STK31: variants seen among roughly 807,000 people sequenced by gnomAD.
The protein encoded by STK31 is serine/threonine-protein kinase 31.
STK31 carries 89 observed loss-of-function variants against 129.7 expected under a neutral mutation model. The ratio of observed to expected loss-of-function variants is 0.69; its 90% CI spans 0.58 to 0.82. The LOEUF is 0.82. STK31 is among the 40% of genes least tolerant of loss of function. STK31 has a pLI of 0.00. For missense variants in STK31, 1,187 were observed against 1,176.4 expected (o/e 1.01, Z -0.13); for synonymous variants, 448 against 395.3 (o/e 1.13, Z -1.58).
At position 23,786,895 on chromosome 7, in the gene STK31, G is replaced by T. The variant is rs1188270800; in HGVS notation, c.2458G>T (p.Val820Phe). The T allele has an allele frequency of 6.2e-7, 1 of 1,613,750 alleles. No homozygotes were observed. The highest frequency in any genetic ancestry group is 8.5e-7 in the Non-Finnish European group (1 of 1,179,904). The change falls in exon 20 of 24, where the codon GTT becomes TTT. Residue 820 changes from valine (V) to phenylalanine (F), a missense_variant. Transcript: ENST00000355870. ...PYYPRANLNAVQANMPLNSEE... is the reference protein window; with the variant it reads ...PYYPRANLNAFQANMPLNSEE... ...CTACCCTAGGGCAAACCTGAATGCT[G>T]TTCAAGCCAACATGCCTTTAAATTC...
chr7:23,748,642 C>A (rs1231416533), intron 8 of STK31, among the ~76,000 whole-genome samples: 2 of 152,178 alleles, frequency 1.3e-5, no homozygotes, highest in African/African-American at 4.8e-5. Context: ...AGGATGAAGA[C>A]CTTAATGATG....
At chr7:23,783,264 T>A (rs1209914316) in intron 16 of STK31, among the ~76,000 whole-genome samples, 2 of 152,194 alleles carry the variant, frequency 1.3e-5, no homozygotes, top group Non-Finnish European at 2.9e-5. Flanking sequence ...TGGCCAAGAC[T>A]CAGCTATTGT....
intron 4 of STK31, among the ~76,000 whole-genome samples, chr7:23,718,339 T>C (rs1172356410): frequency 3.3e-5 from 5 of 152,176 alleles, no homozygotes; most frequent in Admixed American, 2.0e-4. Context: ...TTTTCTTTTT[T>C]ACTGAGTTAT....
At chr7:23,768,918 C>G in intron 11 of STK31, 77 bp from the exon 12 acceptor site, 1 of 1,177,928 alleles carries the variant, frequency 8.5e-7, no homozygotes, top group South Asian at 2.6e-5. Flanking sequence ...GCTTTTCTAC[C>G]CCTTAGATCC....
Position 23,806,901 on chromosome 7 carries a change from G to GAA in STK31, c.2761-8223_2761-8222dup, listed in dbSNP as rs34751124. On this transcript the variant is annotated intron_variant, in intron 22 of 23. Coordinates refer to ENST00000355870, the MANE Select transcript of STK31 (RefSeq NM_031414.5). Reference sequence around the variant, plus strand: ...GGTGACAGAGCAAGACTCCGTCTCAGAAAAAAAAAAAAAAAAAAAAAGAGA... The same window carrying GAA: ...GGTGACAGAGCAAGACTCCGTCTCAGAAAAAAAAAAAAAAAAAAAAAAAGAGA... 2.9e-3 allele frequency among the ~76,000 whole-genome samples: 222 copies of GAA among 75,604 alleles called. 3 individuals carry two copies. The highest frequency in any genetic ancestry group is 8.1e-3 in the Middle Eastern group (1 of 124). The allele number at this position is 75,604 out of a possible 152,430, so 49.6% of individuals were successfully genotyped here.
chr7:23,740,185 T>G (rs1423469581), intron 8 of STK31, among the ~76,000 whole-genome samples: 1 of 152,160 alleles, frequency 6.6e-6, no homozygotes, highest in Non-Finnish European at 1.5e-5. Flanking sequence ...CAAGCAATCC[T>G]TCCTCTTTTG....
chr7:23,790,590 G>A (rs1791556573), intron 21 of STK31, among the ~76,000 whole-genome samples: 1 of 152,076 alleles, frequency 6.6e-6, no homozygotes, highest in African/African-American at 2.4e-5. Flanking sequence ...GTGGTTGTTA[G>A]TATTAAATCT....
chr7:23,773,717 T>TTG (rs1161112664), intron 15 of STK31, among the ~76,000 whole-genome samples: 15 of 138,504 alleles, frequency 1.1e-4, no homozygotes, highest in East Asian at 6.5e-4. Flanking sequence ...GTTTCCTGAC[T>TTG]TGTGTGTGTG....
intron 6 of STK31, among the ~76,000 whole-genome samples, chr7:23,729,769 C>T (rs971955643): frequency 6.6e-6 from 1 of 152,098 alleles, no homozygotes; most frequent in Non-Finnish European, 1.5e-5. Flanking sequence ...CTTGGCCTTC[C>T]AAAGTGCTGG....
At chr7:23,716,499 A>G (rs1413039612) in intron 3 of STK31, among the ~76,000 whole-genome samples, 1 of 152,070 alleles carries the variant, frequency 6.6e-6, no homozygotes, top group African/African-American at 2.4e-5. Context: ...TCACCCACGA[A>G]TTTTATTGTT....
intron 23 of STK31, among the ~76,000 whole-genome samples, chr7:23,831,184 A>G (rs1024380077): frequency 6.6e-6 from 1 of 152,106 alleles, no homozygotes; most frequent in African/African-American, 2.4e-5. Flanking sequence ...TTTTTTTAAA[A>G]TTAATTTTCT....
intron 3 of STK31, among the ~76,000 whole-genome samples, chr7:23,716,134 C>T (rs1177736280): frequency 6.6e-6 from 1 of 152,114 alleles, no homozygotes; most frequent in Non-Finnish European, 1.5e-5. Context: ...AGTTGTGTAT[C>T]CTTGGTTTCC....
At chr7:23,788,860 G>T (rs765723456) in intron 21 of STK31, among the ~76,000 whole-genome samples, 2 of 152,086 alleles carry the variant, frequency 1.3e-5, no homozygotes, top group African/African-American at 4.8e-5. Flanking sequence ...TTAATAGTTT[G>T]TAGTACATTC....
chr7:23,778,648 C>T (rs1790711261), intron 15 of STK31, among the ~76,000 whole-genome samples: 1 of 151,810 alleles, frequency 6.6e-6, no homozygotes, highest in Admixed American at 6.6e-5. Context: ...GTGTATGCTT[C>T]ATGAAGTTCT....
intron 6 of STK31, among the ~76,000 whole-genome samples, chr7:23,732,820 TC>T (rs1333392821): frequency 6.6e-6 from 1 of 152,160 alleles, no homozygotes; most frequent in African/African-American, 2.4e-5. Flanking sequence ...TTCAAAGACT[TC>T]CTAGGGGCAG....
At chr7:23,824,014 T>C (rs1406993541) in intron 23 of STK31, among the ~76,000 whole-genome samples, 1 of 152,198 alleles carries the variant, frequency 6.6e-6, no homozygotes, top group East Asian at 1.9e-4. Flanking sequence ...TGTAGTATAG[T>C]TTGAAGTCAG....
At chr7:23,712,961 G>A (rs1319497545) in intron 3 of STK31, among the ~76,000 whole-genome samples, 1 of 152,128 alleles carries the variant, frequency 6.6e-6, no homozygotes, top group Non-Finnish European at 1.5e-5. Context: ...CTTTTGGTGG[G>A]GGGTGAGGTG....
At chr7:23,785,969 T>C (rs1169822266) in intron 18 of STK31, among the ~76,000 whole-genome samples, 2 of 152,114 alleles carry the variant, frequency 1.3e-5, no homozygotes, top group African/African-American at 4.8e-5. Context: ...GTTGTGCACA[T>C]GTACCCTAGA....
chr7:23,815,449 A>C (rs919709350), intron 23 of STK31, among the ~76,000 whole-genome samples: 1 of 152,164 alleles, frequency 6.6e-6, no homozygotes, highest in South Asian at 2.1e-4. Context: ...TTAGGGAAGA[A>C]TATTGTTTAC....
Sources: gnomAD v4.1 joint callset for allele counts (sites outside exome capture counted in the v4.1 genomes callset) on GRCh38, gnomAD v4.1.1 for gene constraint, MANE v1.5 for transcripts, NCBI Gene and HGNC (gene_info 2026-07-23, HGNC 2026-07-21) for gene names.